Variants in NELL1 observed in about 807,000 individuals in gnomAD.
NELL1 encodes the protein neural EGFL like 1.
A neutral mutation model predicts 107.4 loss-of-function variants in NELL1; 76 were observed. That is an observed-to-expected ratio of 0.71 (90% CI 0.59 to 0.86). The LOEUF (loss-of-function observed/expected upper bound fraction) is 0.86. NELL1 is among the 40% of genes least tolerant of loss of function. The probability of loss-of-function intolerance (pLI) is 0.00; values close to 1 mark genes in which losing one functional copy is unlikely to be tolerated. For missense variants in NELL1, 1,024 were observed against 1,005.5 expected (o/e 1.02, Z -0.25); for synonymous variants, 353 against 341.2 (o/e 1.03, Z -0.38).
At chr11:20,920,200 TG>T (rs1471958850) in intron 7 of NELL1, among the ~76,000 whole-genome samples, 5 of 146,178 alleles carry the variant, frequency 3.4e-5, no homozygotes, top group Non-Finnish European at 6.0e-5. Flanking sequence ...AGAATTAGGT[TG>T]GGCCTAAGAG....
intron 2 of NELL1, among the ~76,000 whole-genome samples, chr11:20,771,062 A>C (rs868661155): frequency 4.6e-5 from 7 of 151,458 alleles, no homozygotes; most frequent in Non-Finnish European, 8.8e-5. Flanking sequence ...GAAATTACAT[A>C]TTTGAAGCTT....
At chr11:21,284,021 T>G in intron 14 of NELL1, 1 of 361,194 alleles carries the variant, frequency 2.8e-6, no homozygotes, top group South Asian at 2.1e-5. Flanking sequence ...CAGACATGTG[T>G]GTGTGCCTGT....
intron 7 of NELL1, among the ~76,000 whole-genome samples, chr11:20,921,796 G>GTTTTTTTTT (rs34327396): frequency 7.3e-6 from 1 of 137,146 alleles, no homozygotes; most frequent in African/African-American, 2.9e-5. Flanking sequence ...TTTATTGTGT[G>GTTTTTTTTT]TGTTTTTTTT....
chr11:21,524,861 G>T (rs1368485158), intron 15 of NELL1, among the ~76,000 whole-genome samples: 1 of 152,058 alleles, frequency 6.6e-6, no homozygotes, highest in African/African-American at 2.4e-5. Flanking sequence ...CAATAGTTTT[G>T]TTCATTGGTT....
chr11:21,563,087 A>AACTT (rs1246280483), intron 17 of NELL1, among the ~76,000 whole-genome samples: 2 of 152,044 alleles, frequency 1.3e-5, no homozygotes, highest in Non-Finnish European at 2.9e-5. Context: ...CACAGCTTAA[A>AACTT]ACTTATGTCC....
chr11:21,410,204 A>T (rs568621585), intron 15 of NELL1, among the ~76,000 whole-genome samples: 49 of 152,212 alleles, frequency 3.2e-4, no homozygotes, highest in African/African-American at 1.1e-3. Context: ...GTAGACACAA[A>T]AAAACAAACC....
intron 14 of NELL1, among the ~76,000 whole-genome samples, chr11:21,243,532 A>G (rs1465977965): frequency 3.3e-5 from 5 of 152,126 alleles, no homozygotes; most frequent in Admixed American, 3.3e-4. Context: ...AGCAAATTGT[A>G]ATGAATTTCT....
chr11:21,573,969 T>C (rs563179463), intron 19 of NELL1, among the ~76,000 whole-genome samples: 1 of 151,946 alleles, frequency 6.6e-6, no homozygotes. Flanking sequence ...TTAACAGTGA[T>C]TATTTCCCTG....
At chr11:21,392,052 C>A (rs575302575) in intron 15 of NELL1, among the ~76,000 whole-genome samples, 4 of 151,604 alleles carry the variant, frequency 2.6e-5, no homozygotes, top group Admixed American at 2.0e-4. Flanking sequence ...AGAGTCAGGT[C>A]GGAAGAATAA....
At chr11:20,797,639 G>T (rs909434473) in intron 3 of NELL1, among the ~76,000 whole-genome samples, 1 of 149,936 alleles carries the variant, frequency 6.7e-6, no homozygotes, top group Admixed American at 6.6e-5. Context: ...TAAGAGGACA[G>T]AATCCTGCAC....
intron 12 of NELL1, among the ~76,000 whole-genome samples, chr11:21,006,022 A>T (rs1158135721): frequency 2.0e-5 from 3 of 151,522 alleles, no homozygotes; most frequent in African/African-American, 7.3e-5. Flanking sequence ...GATATAATTG[A>T]TAATTTCATA....
At chr11:21,471,015 A>G (rs912909495) in intron 15 of NELL1, among the ~76,000 whole-genome samples, 1 of 152,130 alleles carries the variant, frequency 6.6e-6, no homozygotes. Context: ...AATCCTTATC[A>G]TCATATTTTG....
chr11:21,068,860 C>T (rs1187938072), intron 12 of NELL1, among the ~76,000 whole-genome samples: 1 of 152,116 alleles, frequency 6.6e-6, no homozygotes, highest in African/African-American at 2.4e-5. Flanking sequence ...TTGGAGAGTG[C>T]TTAATATGTA....
intron 14 of NELL1, among the ~76,000 whole-genome samples, chr11:21,290,725 A>C (rs1849238220): frequency 1.3e-5 from 2 of 152,214 alleles, no homozygotes; most frequent in South Asian, 4.1e-4. Context: ...GACCTTCAGC[A>C]AACTCCAGCA....
chr11:21,019,881 A>C (rs1852657427), intron 12 of NELL1, among the ~76,000 whole-genome samples: 1 of 152,050 alleles, frequency 6.6e-6, no homozygotes, highest in Non-Finnish European at 1.5e-5. Flanking sequence ...TTCTAGCCTA[A>C]TAAGCCCTGC....
chr11:21,314,135 A>G (rs1849819751), intron 14 of NELL1, among the ~76,000 whole-genome samples: 1 of 151,866 alleles, frequency 6.6e-6, no homozygotes, highest in Admixed American at 6.6e-5. Context: ...TACAGCCTGC[A>G]GAACCGAGAC....
intron 4 of NELL1, among the ~76,000 whole-genome samples, chr11:20,878,358 C>A (rs78366003): frequency 3.1e-3 from 298 of 95,566 alleles, no homozygotes; most frequent in Middle Eastern, 7.2e-3. Context: ...GACCCCGTCT[C>A]AAAAAAAAAA....
intron 5 of NELL1, among the ~76,000 whole-genome samples, chr11:20,886,784 TAACA>T (rs766806794): frequency 3.9e-5 from 6 of 152,038 alleles, no homozygotes; most frequent in Non-Finnish European, 7.4e-5. Flanking sequence ...TATACCAAGG[TAACA>T]AACCTGCACG....
chr11:20,718,123 C>T (rs374810128), intron 2 of NELL1, among the ~76,000 whole-genome samples: 166 of 152,264 alleles, frequency 1.1e-3, no homozygotes, highest in African/African-American at 3.8e-3. Flanking sequence ...TAACCAAGGT[C>T]ACTTTCTGCT....
Sources: gnomAD v4.1 joint callset for allele counts (sites outside exome capture counted in the v4.1 genomes callset) on GRCh38, gnomAD v4.1.1 for gene constraint, MANE v1.5 for transcripts, NCBI Gene and HGNC (gene_info 2026-07-23, HGNC 2026-07-21) for gene names.